Variants in USP15 observed in about 807,000 individuals in gnomAD.
USP15 encodes ubiquitin specific peptidase 15.
A neutral mutation model predicts 127.1 loss-of-function variants in USP15; 18 were observed. The observed-to-expected ratio is 0.14, with a 90% CI of 0.10 to 0.21. USP15 has a LOEUF of 0.21. USP15 is among the 10% of genes least tolerant of loss of function. The pLI is 1.00. For synonymous variants in USP15, 364 were observed against 393.7 expected (o/e 0.92, Z 0.89); for missense variants, 805 against 1,159.9 (o/e 0.69, Z 4.44).
In USP15 at chr12:62,415,854, A is replaced by G. The variant is rs1281707546; in HGVS notation, c.*11479A>G. On this transcript the variant is annotated 3_prime_UTR_variant, in exon 22 of 22. Transcript: ENST00000280377. Reference sequence around the variant, plus strand: ...AATTGCAAGGTTTTGTGTCTTGATCATTATGAAAAATGTGGCAGGTATTAT... The same window carrying G: ...AATTGCAAGGTTTTGTGTCTTGATCGTTATGAAAAATGTGGCAGGTATTAT... 2.2e-4 allele frequency: 34 copies of G among 152,202 alleles called. No homozygotes were observed. Among genetic ancestry groups the G allele is most frequent in the Non-Finnish European group, 2.9e-5 (2 of 68,030 alleles). 9.4% of individuals were successfully genotyped at this position (152,202 alleles called of 1,614,324 possible). A position where few individuals can be genotyped will look rare whatever the true frequency, so the allele number is the denominator to read the frequency against.
chr12:62,399,288 G>A lies in USP15; in HGVS notation c.2675-1899G>A, dbSNP rs12320299. On this transcript the variant is annotated intron_variant, in intron 20 of 21. Coordinates refer to ENST00000280377, the MANE Select transcript of USP15 (RefSeq NM_001252078.2). ...GAGGTCCTGTGTAGCTGGAAGGAGA[G>A]AAAATAGGGAAAAGTGTGCTCAAAG... 4.8e-3 allele frequency among the ~76,000 whole-genome samples: 736 copies of A among 152,296 alleles called. 6 individuals carry two copies. Among genetic ancestry groups the A allele is most frequent in the African/African-American group, 0.016 (681 of 41,556 alleles).
intron 3 of USP15, among the ~76,000 whole-genome samples, chr12:62,306,684 AAC>A (rs1409675258): frequency 6.6e-6 from 1 of 152,178 alleles, no homozygotes; most frequent in African/African-American, 2.4e-5. Flanking sequence ...TGTTCAATAA[AAC>A]AGAGCCAATA....
chr12:62,352,832 A>G (rs1202286495), intron 7 of USP15, among the ~76,000 whole-genome samples: 2 of 3,992 alleles, frequency 5.0e-4, no homozygotes, highest in African/African-American at 4.1e-3. Flanking sequence ...TCAATTTCAC[A>G]AAAAAAAAGT....
chr12:62,330,482 G>A (rs752009051), intron 6 of USP15, among the ~76,000 whole-genome samples: 29 of 151,622 alleles, frequency 1.9e-4, no homozygotes, highest in Non-Finnish European at 2.9e-4. Context: ...CTATTCAGGA[G>A]GCTGAGGCAA....
At chr12:62,312,496 T>C (rs1391970317) in intron 3 of USP15, among the ~76,000 whole-genome samples, 1 of 151,718 alleles carries the variant, frequency 6.6e-6, no homozygotes. Context: ...AAAGAGACTT[T>C]GCCTTCATTA....
chr12:62,399,050 G>A (rs551825085), intron 20 of USP15, among the ~76,000 whole-genome samples: 5 of 151,352 alleles, frequency 3.3e-5, no homozygotes, highest in Non-Finnish European at 7.4e-5. Context: ...TTTCTTTTTG[G>A]TATCATTTAA....
Position 62,412,942 on chromosome 12 carries a change from C to G in USP15, c.*8567C>G, listed in dbSNP as rs1247835411. 1 of 152,166 alleles carries G rather than the reference C, an allele frequency of 6.6e-6. No homozygotes were observed. Among genetic ancestry groups the G allele is most frequent in the African/African-American group, 2.4e-5 (1 of 41,444 alleles). 9.4% of individuals were successfully genotyped at this position (152,166 alleles called of 1,614,324 possible). A position where few individuals can be genotyped will look rare whatever the true frequency, so the allele number is the denominator to read the frequency against. The stretch of plus-strand genomic sequence containing the variant: ...CAGAAGGTTTTTATTTTGCCCAGAT[C>G]CATCAGAGGAATCACTATCTATGAA... On this transcript the variant is annotated 3_prime_UTR_variant, in exon 22 of 22. Coordinates refer to ENST00000280377, the MANE Select transcript of USP15 (RefSeq NM_001252078.2).
At chr12:62,289,338 T>G (rs1347961694) in intron 1 of USP15, among the ~76,000 whole-genome samples, 1 of 152,000 alleles carries the variant, frequency 6.6e-6, no homozygotes, top group East Asian at 1.9e-4. Context: ...TCTTGGGAGG[T>G]TGTATGTTTC....
At chr12:62,366,059 G>A (rs2066467036) in intron 8 of USP15, among the ~76,000 whole-genome samples, 1 of 152,074 alleles carries the variant, frequency 6.6e-6, no homozygotes, top group Non-Finnish European at 1.5e-5. Flanking sequence ...TCCATATGAA[G>A]TTTAAAGTAG....
At chr12:62,391,732 T>C in intron 16 of USP15, 84 bp from the exon 17 acceptor site, 1 of 1,201,028 alleles carries the variant, frequency 8.3e-7, no homozygotes, top group Non-Finnish European at 1.1e-6. Context: ...TGTTTGTTTA[T>C]TCTGGTGTAT....
rs1427695855 is a variant in USP15 at position 62,294,274 on chromosome 12, C to T, written c.185C>T (p.Pro62Leu). The T allele has an allele frequency of 6.2e-7, 1 of 1,612,786 alleles. No individual in the cohort carries two copies. The highest frequency in any genetic ancestry group is 1.3e-5 in the African/African-American group (1 of 74,860). Reference protein sequence around the residue: ...KYQMGDQNVYPGPIDNSGLLK... With the variant: ...KYQMGDQNVYLGPIDNSGLLK... ...CAGATGGGAGATCAAAATGTGTATC[C>T]TGGACCCATTGATAACTCTGGACTT... The change falls in exon 2 of 22, where the codon CCT becomes CTT. Residue 62 changes from proline (P) to leucine (L), a missense_variant. Pro to Leu is a moderately conservative substitution (Grantham distance 98). This residue lies in a region of USP15 where 69 missense variants were observed against 126.4 expected (regional missense o/e 0.55). Coordinates refer to ENST00000280377, the MANE Select transcript of USP15 (RefSeq NM_001252078.2).
At chr12:62,343,839 C>T (rs552381572) in intron 6 of USP15, among the ~76,000 whole-genome samples, 4 of 152,154 alleles carry the variant, frequency 2.6e-5, no homozygotes, top group Non-Finnish European at 4.4e-5. Context: ...TTCTATTTGG[C>T]CATCTTGGCC....
chr12:62,354,172 T>C lies in USP15; in HGVS notation c.771-1159T>C, dbSNP rs139471568. On this transcript the variant is annotated intron_variant, in intron 7 of 21. Coordinates refer to ENST00000280377, the MANE Select transcript of USP15 (RefSeq NM_001252078.2). The stretch of plus-strand genomic sequence containing the variant: ...GTGTATGTGTGTTTACTAAAGACTT[T>C]CTTAGAACAGGTAGTATAGTTCACA... Among the ~76,000 whole-genome samples the C allele has an allele frequency of 5.7e-3, 863 of 151,706 alleles. 6 individuals are homozygous for C. Among genetic ancestry groups the C allele is most frequent in the Non-Finnish European group, 9.4e-3 (638 of 67,704 alleles).
chr12:62,384,022 A>G (rs766013296), intron 10 of USP15, 24 bp downstream of exon 10: 6 of 1,610,488 alleles, frequency 3.7e-6, no homozygotes, highest in Non-Finnish European at 5.1e-6. Context: ...TCCTATTGTC[A>G]CCATTGTTAT....
chr12:62,404,391 C>A lies in USP15; in HGVS notation c.*16C>A. 3 of 1,554,012 alleles carry A rather than the reference C, an allele frequency of 1.9e-6. No homozygotes were observed. Among genetic ancestry groups the A allele is most frequent in the South Asian group, 1.2e-5 (1 of 82,396 alleles). ...CACTAACTAATGAAAGTCCTAGAAG[C>A]CATAAAAGAGACACTTTCCTGCTGG... is the stretch of plus-strand genomic sequence containing the variant. On this transcript the variant is annotated 3_prime_UTR_variant, in exon 22 of 22. Coordinates refer to ENST00000280377, the MANE Select transcript of USP15 (RefSeq NM_001252078.2).
At chr12:62,350,103 T>A (rs890770609) in intron 7 of USP15, among the ~76,000 whole-genome samples, 2 of 151,886 alleles carry the variant, frequency 1.3e-5, no homozygotes, top group African/African-American at 4.8e-5. Context: ...GTATTAGATA[T>A]TTATCTAATA....
intron 3 of USP15, chr12:62,312,337 A>T: frequency 3.0e-6 from 1 of 336,418 alleles, no homozygotes; most frequent in Non-Finnish European, 6.2e-6. Context: ...CTTTTCATAC[A>T]CAGACATAAA....
chr12:62,329,344 C>T (rs1204487233), intron 6 of USP15, among the ~76,000 whole-genome samples: 2 of 152,162 alleles, frequency 1.3e-5, no homozygotes, highest in African/African-American at 4.8e-5. Flanking sequence ...GCACTCCAGC[C>T]TCGGTGACAC....
intron 8 of USP15, among the ~76,000 whole-genome samples, chr12:62,369,430 A>G (rs532600240): frequency 6.6e-6 from 1 of 151,992 alleles, no homozygotes; most frequent in Non-Finnish European, 1.5e-5. Flanking sequence ...CACACACTCA[A>G]TAAAAACATA....
Sources: allele counts gnomAD v4.1 joint callset (sites outside exome capture counted in the v4.1 genomes callset), GRCh38; gene constraint gnomAD v4.1.1; regional missense constraint gnomAD v4.1.1; transcripts MANE v1.5; gene names NCBI Gene and HGNC (gene_info 2026-07-23, HGNC 2026-07-21).